The following CEP164 variants were observed in gnomAD, a reference collection of about 807,000 sequenced individuals.
CEP164 encodes centrosomal protein 164, also known as centrosomal protein of 164 kDa.
CEP164 carries 162 observed loss-of-function variants against 182.7 expected under a neutral mutation model. The observed-to-expected ratio is 0.89, with a 90% CI of 0.78 to 1.01. The LOEUF is 1.01. CEP164 is among the 50% of genes least tolerant of loss of function. CEP164 has a pLI of 0.00. For synonymous variants in CEP164, 661 were observed against 690.0 expected (o/e 0.96, Z 0.66); for missense variants, 1,735 against 1,790.4 (o/e 0.97, Z 0.56).
chr11:117,409,964 A>G lies in CEP164; in HGVS notation c.4095A>G (p.Pro1365=). ...TGGAGAAGTGGCGCAAGTATTTTCC[A>G]TGTAAGCCCCACTCTGGGCGGAGCC... ...FLLEKWRKYF[P]SGIPLLSNSP... The change falls in exon 30 of 33, where the codon CCA becomes CCG. Residue 1365 remains proline (P), a splice_region_variant and synonymous_variant. Coordinates refer to ENST00000278935, the MANE Select transcript of CEP164 (RefSeq NM_014956.5). This position sits in a 1 kb window ranked among gnomAD's most constrained non-coding sequence, Gnocchi z 4.4. The G allele has an allele frequency of 1.9e-6, 3 of 1,613,960 alleles. No homozygotes were observed. Among genetic ancestry groups the G allele is most frequent in the African/African-American group, 1.3e-5 (1 of 75,026 alleles).
At chr11:117,377,913 G>A (rs1187326186) in intron 11 of CEP164, among the ~76,000 whole-genome samples, 1 of 151,938 alleles carries the variant, frequency 6.6e-6, no homozygotes, top group Non-Finnish European at 1.5e-5. Context: ...AGGCTGGAGT[G>A]CAGTGTCATG....
chr11:117,352,238 G>A (rs1210820541), intron 5 of CEP164, among the ~76,000 whole-genome samples: 1 of 152,078 alleles, frequency 6.6e-6, no homozygotes, highest in Non-Finnish European at 1.5e-5. Context: ...TACCTAATAG[G>A]ATTGATGAGA....
intron 14 of CEP164, among the ~76,000 whole-genome samples, chr11:117,383,904 C>T (rs562574522): frequency 6.6e-6 from 1 of 152,308 alleles, no homozygotes; most frequent in African/African-American, 2.4e-5. Flanking sequence ...GGCGTGGTGG[C>T]AGGTGCCTAT....
chr11:117,393,169 A>G lies in CEP164; in HGVS notation c.2616+43A>G, dbSNP rs889740730. 3.1e-6 allele frequency: 5 copies of G among 1,597,200 alleles called. No homozygotes were observed. The Admixed American group carries it at 6.7e-5, about 21-fold the overall frequency. On this transcript the variant is annotated intron_variant, in intron 20 of 32. Coordinates refer to ENST00000278935, the MANE Select transcript of CEP164 (RefSeq NM_014956.5). Reference sequence around the variant, plus strand: ...CCTGCGCGCATGCACACACATGCACACACACATGCACGCACATGCACACAC... The same window carrying G: ...CCTGCGCGCATGCACACACATGCACGCACACATGCACGCACATGCACACAC...
intron 8 of CEP164, among the ~76,000 whole-genome samples, chr11:117,364,309 A>G (rs956715069): frequency 6.6e-6 from 1 of 152,206 alleles, no homozygotes; most frequent in Non-Finnish European, 1.5e-5. Flanking sequence ...CTTAACATCA[A>G]ACAAGTCACT....
intron 1 of CEP164, among the ~76,000 whole-genome samples, chr11:117,330,204 T>C (rs2035975948): frequency 6.6e-6 from 1 of 152,206 alleles, no homozygotes; most frequent in Non-Finnish European, 1.5e-5. Context: ...TGTTCTGTTA[T>C]ATATTATGTT....
In CEP164 at chr11:117,394,205, C is replaced by A; in HGVS notation, c.2617-145C>A. ...CCAGGGCCGGTGCTGTGCTTGTAAC[C>A]CTCCTCTTCTCCAAGAGCTGGCTTT... On this transcript the variant is annotated intron_variant, in intron 20 of 32. Transcript: ENST00000278935. This position sits in a 1 kb window ranked among gnomAD's most constrained non-coding sequence, Gnocchi z 4.0. 8.9e-7 allele frequency: 1 copy of A among 1,120,188 alleles called. No individual in the cohort carries two copies. The highest frequency in any genetic ancestry group is 1.3e-6 in the Non-Finnish European group (1 of 791,042). 69.4% of individuals were successfully genotyped at this position (1,120,188 alleles called of 1,614,324 possible).
intron 27 of CEP164, among the ~76,000 whole-genome samples, chr11:117,399,450 G>A (rs2045900523): frequency 6.6e-6 from 1 of 152,174 alleles, no homozygotes; most frequent in African/African-American, 2.4e-5. Context: ...ACATATGTGT[G>A]CATGTGTCTT....
rs1302792483 is a variant in CEP164, at chr11:117,380,679, C to T, written c.1383C>T (p.Ser461=). ...AGTCCAGCCAAGATGAGCTGCAGAG[C>T]AAGCAGTCCAAAGGCCTGGAGGAGA... ...DSQSSQDELQ[S]KQSKGLEERL... is the part of the protein sequence containing the mutation. The change falls in exon 12 of 33, where the codon AGC becomes AGT. Residue 461 remains serine, a synonymous_variant. Transcript: ENST00000278935. 1 of 1,607,638 alleles carries T rather than the reference C, an allele frequency of 6.2e-7. No homozygotes were observed. Among genetic ancestry groups the T allele is most frequent in the Admixed American group, 1.7e-5 (1 of 59,316 alleles).
chr11:117,344,324 G>A, intron 4 of CEP164, 47 bp downstream of exon 4: 1 of 1,315,712 alleles, frequency 7.6e-7, no homozygotes, highest in Non-Finnish European at 1.1e-6. Flanking sequence ...AGCAGAGGCA[G>A]AGGGAAGCTA....
intron 9 of CEP164, among the ~76,000 whole-genome samples, chr11:117,372,495 A>C (rs1456219960): frequency 6.6e-6 from 1 of 151,614 alleles, no homozygotes; most frequent in East Asian, 1.9e-4. Flanking sequence ...AGCTCACCAC[A>C]ACCTCCGCCT....
chr11:117,331,719 G>A (rs1350748622), intron 1 of CEP164, among the ~76,000 whole-genome samples: 3 of 151,424 alleles, frequency 2.0e-5, no homozygotes, highest in South Asian at 2.1e-4. Context: ...AAACTACTGC[G>A]GGTCTTCCTA....
intron 27 of CEP164, among the ~76,000 whole-genome samples, chr11:117,406,368 C>T (rs1447564482): frequency 1.3e-5 from 2 of 152,128 alleles, no homozygotes; most frequent in African/African-American, 2.4e-5. Context: ...GGGGAAATGG[C>T]CCTCATGATT....
chr11:117,395,420 G>T, intron 23 of CEP164, 127 bp from the exon 24 acceptor site: 2 of 1,135,774 alleles, frequency 1.8e-6, no homozygotes, highest in South Asian at 1.6e-5. Context: ...CAGAGGTGGT[G>T]ACTTCAGTGG....
intron 28 of CEP164, 47 bp from the exon 29 acceptor site, chr11:117,408,843 A>T (rs2046998975): frequency 6.2e-7 from 1 of 1,610,326 alleles, no homozygotes; most frequent in East Asian, 2.2e-5. Context: ...GGAAGGGTAG[A>T]AAGCACGTGG....
intron 11 of CEP164, among the ~76,000 whole-genome samples, chr11:117,377,082 C>T (rs961453501): frequency 6.6e-6 from 1 of 152,178 alleles, no homozygotes; most frequent in Non-Finnish European, 1.5e-5. Flanking sequence ...TTGGTTCTCA[C>T]GAAGTGCAGC....
At chr11:117,352,648 G>A (rs1432134201) in intron 5 of CEP164, among the ~76,000 whole-genome samples, 3 of 152,090 alleles carry the variant, frequency 2.0e-5, no homozygotes, top group Non-Finnish European at 4.4e-5. Context: ...GTACAGTGGC[G>A]TGATCTCAGC....
At chr11:117,348,314 G>A (rs952936006) in intron 4 of CEP164, among the ~76,000 whole-genome samples, 2 of 151,994 alleles carry the variant, frequency 1.3e-5, no homozygotes, top group South Asian at 2.1e-4. Context: ...AAAAAAAATC[G>A]TCAATCCAAG....
chr11:117,322,732 T>A (rs964122531), intron 1 of CEP164, among the ~76,000 whole-genome samples: 22 of 148,598 alleles, frequency 1.5e-4, no homozygotes, highest in Middle Eastern at 3.2e-3. Flanking sequence ...ATTTTGTGTT[T>A]ATATATATAT....
Sources: gnomAD v4.1 joint callset for allele counts (sites outside exome capture counted in the v4.1 genomes callset) on GRCh38, gnomAD v4.1.1 for gene constraint, Gnocchi (gnomAD v3.1) non-coding constraint, MANE v1.5 for transcripts, NCBI Gene and HGNC (gene_info 2026-07-23, HGNC 2026-07-21) for gene names.